Variants in ZNF407 observed in about 807,000 individuals in gnomAD.
The protein encoded by ZNF407 is zinc finger protein 407.
In ZNF407, 17 loss-of-function variants were observed where a neutral mutation model predicts 131.2. That is an observed-to-expected ratio of 0.13 (90% CI 0.09 to 0.19). The LOEUF is 0.19. Among genes scored for constraint, ZNF407 ranks in the 10% least tolerant of loss-of-function variants. The pLI, the probability that ZNF407 is intolerant of heterozygous loss-of-function variation, is 1.00. For missense variants in ZNF407, 2,681 were observed against 2,830.6 expected (o/e 0.95, Z 1.20); for synonymous variants, 1,156 against 1,062.0 (o/e 1.09, Z -1.72).
chr18:74,882,090 A>G (rs1971246906), intron 6 of ZNF407, among the ~76,000 whole-genome samples: 1 of 152,194 alleles, frequency 6.6e-6, no homozygotes, highest in Non-Finnish European at 1.5e-5. Flanking sequence ...CTCCCACAAC[A>G]TGTGGGAATT....
At chr18:74,761,521 A>C (rs1007482347) in intron 3 of ZNF407, among the ~76,000 whole-genome samples, 2 of 152,166 alleles carry the variant, frequency 1.3e-5, no homozygotes, top group African/African-American at 4.8e-5. Flanking sequence ...ATATCTAAAT[A>C]GTTGATCAAA....
intron 4 of ZNF407, among the ~76,000 whole-genome samples, chr18:74,835,750 A>G (rs1415819254): frequency 3.9e-5 from 6 of 152,042 alleles, no homozygotes; most frequent in African/African-American, 1.4e-4. Context: ...TGCTCAACCA[A>G]TATTTAATTT....
chr18:74,722,056 CT>C (rs1968049913), intron 3 of ZNF407, among the ~76,000 whole-genome samples: 1 of 144,420 alleles, frequency 6.9e-6, no homozygotes, highest in Non-Finnish European at 1.5e-5. Context: ...TTCTCACTGT[CT>C]TTGTCTGTTT....
intron 4 of ZNF407, among the ~76,000 whole-genome samples, chr18:74,823,292 G>A (rs982031427): frequency 2.0e-5 from 3 of 152,108 alleles, no homozygotes; most frequent in Admixed American, 6.6e-5. Flanking sequence ...ACTATGAAGA[G>A]ACTGCATCAA....
At chr18:75,055,086 G>A (rs553787135) in intron 8 of ZNF407, among the ~76,000 whole-genome samples, 2 of 152,260 alleles carry the variant, frequency 1.3e-5, no homozygotes, top group South Asian at 2.1e-4. Context: ...AGTGAGAGAC[G>A]CACCCTATGT....
At chr18:74,695,486 G>T in intron 3 of ZNF407, among the ~76,000 whole-genome samples, 1 of 150,548 alleles carries the variant, frequency 6.6e-6, no homozygotes, top group South Asian at 2.1e-4. Flanking sequence ...TTTTGTTCTA[G>T]CATTTTTTAT....
At chr18:74,712,084 C>A (rs72969680) in intron 3 of ZNF407, among the ~76,000 whole-genome samples, 3 of 152,194 alleles carry the variant, frequency 2.0e-5, no homozygotes, top group Non-Finnish European at 4.4e-5. Flanking sequence ...TTGGCCCTGG[C>A]GTGTGTCATA....
At chr18:74,603,868 A>T (rs1352692330) in intron 1 of ZNF407, among the ~76,000 whole-genome samples, 1 of 152,132 alleles carries the variant, frequency 6.6e-6, no homozygotes, top group Non-Finnish European at 1.5e-5. Context: ...TCTATTATGG[A>T]TATATTAGCT....
chr18:74,877,565 G>A (rs927723761), intron 5 of ZNF407, among the ~76,000 whole-genome samples: 9 of 152,204 alleles, frequency 5.9e-5, no homozygotes, highest in African/African-American at 1.9e-4. Flanking sequence ...AGTGACATTT[G>A]TGCTTGTGTG....
At chr18:74,898,588 C>G (rs1180265913) in intron 7 of ZNF407, 2 of 152,152 alleles carry the variant, frequency 1.3e-5, no homozygotes, top group African/African-American at 4.8e-5. Flanking sequence ...AAACTTTAAT[C>G]TCTTATTTTT....
At chr18:74,755,424 A>G (rs1968907335) in intron 3 of ZNF407, among the ~76,000 whole-genome samples, 1 of 152,086 alleles carries the variant, frequency 6.6e-6, no homozygotes, top group South Asian at 2.1e-4. Context: ...TAGTTGATGC[A>G]GTTTCTTCCT....
chr18:74,823,282 A>T (rs1248779241), intron 4 of ZNF407, among the ~76,000 whole-genome samples: 2 of 152,206 alleles, frequency 1.3e-5, no homozygotes, highest in Non-Finnish European at 2.9e-5. Context: ...GACTGTCGAC[A>T]CTATGAAGAG....
chr18:74,836,978 A>G (rs1970568451), intron 4 of ZNF407, among the ~76,000 whole-genome samples: 1 of 152,138 alleles, frequency 6.6e-6, no homozygotes, highest in Admixed American at 6.5e-5. Context: ...CTCAAGTGGA[A>G]ATGTGCTACT....
intron 3 of ZNF407, among the ~76,000 whole-genome samples, chr18:74,720,056 T>A (rs1407872335): frequency 6.6e-6 from 1 of 152,060 alleles, no homozygotes; most frequent in Non-Finnish European, 1.5e-5. Context: ...TATTTGTATT[T>A]TTTTTTTGAA....
intron 1 of ZNF407, among the ~76,000 whole-genome samples, chr18:74,626,118 A>G (rs1391354467): frequency 6.6e-6 from 1 of 152,246 alleles, no homozygotes; most frequent in Non-Finnish European, 1.5e-5. Context: ...CTAACAAAGC[A>G]CATTAAAAAG....
intron 3 of ZNF407, among the ~76,000 whole-genome samples, chr18:74,676,722 CTG>C (rs2144766596): frequency 6.6e-6 from 1 of 152,290 alleles, no homozygotes; most frequent in East Asian, 1.9e-4. Context: ...ACGTGAGCCA[CTG>C]TGCCCGGCCA....
intron 8 of ZNF407, among the ~76,000 whole-genome samples, chr18:74,964,589 T>TG (rs1459673625): frequency 2.0e-4 from 30 of 151,544 alleles, no homozygotes; most frequent in African/African-American, 7.3e-4. Context: ...GGTTTTTTTT[T>TG]TTTTTTTTTT....
chr18:75,030,318 A>G (rs1204060919), intron 8 of ZNF407, among the ~76,000 whole-genome samples: 3 of 152,234 alleles, frequency 2.0e-5, no homozygotes, highest in Non-Finnish European at 4.4e-5. Flanking sequence ...ATTATTATAC[A>G]TTATTATCTA....
Position 75,064,004 on chromosome 18 carries a change from G to T in ZNF407, c.6283G>T (p.Gly2095Cys). 1 of 1,610,302 alleles carries T rather than the reference G, an allele frequency of 6.2e-7. No homozygotes were observed. Among genetic ancestry groups the T allele is most frequent in the Non-Finnish European group, 8.5e-7 (1 of 1,178,542 alleles). The change falls in exon 9 of 9, where the codon GGC becomes TGC. Residue 2095 changes from glycine to cysteine, a missense_variant. This residue lies in a region of ZNF407 where 620 missense variants were observed against 583.1 expected (regional missense o/e 1.06). Coordinates refer to ENST00000299687, the MANE Select transcript of ZNF407 (RefSeq NM_017757.3). ...TGCTGTGTGTGACACGGCCGCGGCC[G>T]GCCAGTTGGTCAAGGACGGTGTCAC... is the stretch of plus-strand genomic sequence containing the variant. ...QFAVCDTAAA[G>C]QLVKDGVTQV...
Sources: gnomAD v4.1 joint callset for allele counts (sites outside exome capture counted in the v4.1 genomes callset) on GRCh38, gnomAD v4.1.1 for gene constraint, gnomAD v4.1.1 regional missense constraint, MANE v1.5 for transcripts, NCBI Gene and HGNC (gene_info 2026-07-23, HGNC 2026-07-21) for gene names.